The following NCOR2 variants were observed in gnomAD, a reference collection of about 807,000 sequenced individuals.
NCOR2 encodes nuclear receptor corepressor 2, also known as CTG repeat protein 26.
Under a neutral mutation model 262.9 loss-of-function variants are expected in NCOR2, and 81 were observed. The observed-to-expected ratio is 0.31, with a 90% CI of 0.26 to 0.37. The LOEUF is 0.37. Ranked by LOEUF, NCOR2 falls within the 10% of genes least tolerant of loss-of-function variation. The pLI, the probability that NCOR2 is intolerant of heterozygous loss-of-function variation, is 1.00. For missense variants in NCOR2, 3,385 were observed against 3,621.4 expected, an observed-to-expected ratio of 0.93 and a Z score of 1.68; for synonymous variants, 1,659 against 1,559.3, an observed-to-expected ratio of 1.06 and a Z score of -1.51.
chr12:124,346,931 C>G, intron 30 of NCOR2, 81 bp from the exon 33 acceptor site: 4 of 1,378,796 alleles, frequency 2.9e-6, no homozygotes, highest in African/African-American at 1.5e-5. Context: ...GGTTCTGGAG[C>G]TAGTCTGCCT....
chr12:124,447,247 T>C (rs2045236260), intron 7 of NCOR2, among the ~76,000 whole-genome samples: 1 of 152,236 alleles, frequency 6.6e-6, no homozygotes, highest in Admixed American at 6.5e-5. Context: ...ACATGTTTGT[T>C]TGTGATTTAG....
chr12:124,409,979 G>A (rs1314267863), intron 13 of NCOR2, among the ~76,000 whole-genome samples: 3 of 151,680 alleles, frequency 2.0e-5, no homozygotes, highest in African/African-American at 7.3e-5. Flanking sequence ...GCACCGGGGT[G>A]ACCTTGTTTG....
chr12:124,426,095 G>C (rs962196718), intron 11 of NCOR2, among the ~76,000 whole-genome samples: 16 of 152,182 alleles, frequency 1.1e-4, no homozygotes, highest in African/African-American at 3.6e-4. Flanking sequence ...CTTCCGACTC[G>C]CAGTGCCCCG....
intron 5 of NCOR2, among the ~76,000 whole-genome samples, chr12:124,459,786 C>T (rs889627342): frequency 3.3e-5 from 5 of 152,182 alleles, no homozygotes; most frequent in East Asian, 1.9e-4. Flanking sequence ...CTCACCTCCT[C>T]GGCTGCTGTC....
chr12:124,325,374 A>ACCGCCCC (rs1555297201), exon 47 of NCOR2: 4 of 316,298 alleles, frequency 1.3e-5, no homozygotes, highest in South Asian at 1.0e-4. Flanking sequence ...GGGACCTGAC[A>ACCGCCCC]CCGCCCCCCC....
intron 12 of NCOR2, among the ~76,000 whole-genome samples, chr12:124,420,299 C>T (rs529066163): frequency 6.6e-6 from 1 of 152,316 alleles, no homozygotes; most frequent in African/African-American, 2.4e-5. Flanking sequence ...GTACTTGGGA[C>T]GAGGCCTGGC....
At chr12:124,450,212 C>T (rs542720301) in intron 6 of NCOR2, among the ~76,000 whole-genome samples, 15 of 152,380 alleles carry the variant, frequency 9.8e-5, no homozygotes, top group Admixed American at 7.8e-4. Flanking sequence ...GGCCACCAAA[C>T]GTGGAAAGCC....
chr12:124,325,392 C>CCCCCCCCGGG, exon 47 of NCOR2: 1 of 1,152,270 alleles, frequency 8.7e-7, no homozygotes, highest in Non-Finnish European at 1.1e-6. Context: ...CCCCCCCGCC[C>CCCCCCCCGGG]TGTTCTGAGT....
At chr12:124,374,000 C>T (rs1054916681) in intron 19 of NCOR2, among the ~76,000 whole-genome samples, 2 of 152,292 alleles carry the variant, frequency 1.3e-5, no homozygotes, top group East Asian at 1.9e-4. Context: ...GATGAAAGCA[C>T]GCACCCAAGG....
At chr12:124,402,366 A>G (rs1195421029) in intron 14 of NCOR2, 38 bp downstream of exon 16, 1 of 1,610,232 alleles carries the variant, frequency 6.2e-7, no homozygotes. Context: ...GGGTTGGGTC[A>G]GCGGCCGGGC....
chr12:124,462,205 C>T (rs984164737), intron 5 of NCOR2, among the ~76,000 whole-genome samples: 2 of 152,206 alleles, frequency 1.3e-5, no homozygotes, highest in Admixed American at 6.5e-5. Flanking sequence ...CATCCACATG[C>T]GGCTCTCCTC....
rs747952180 is a variant in NCOR2, at chr12:124,378,280, C to T, written c.2124G>A (p.Ser708=). The change falls in exon 18 of 47, where the codon TCG becomes TCA. Residue 708 remains serine, a synonymous_variant. Coordinates refer to ENST00000405201, the Ensembl canonical transcript of NCOR2. This position sits in a 1 kb window ranked among gnomAD's most constrained non-coding sequence, Gnocchi z 4.2. The stretch of plus-strand genomic sequence containing the variant: ...TCTCCTCCTCATTTCCGCTCACGCC[C>T]GACGCCTCCATCTCCTCATCCTCCA... The T allele has an allele frequency of 1.2e-5, 20 of 1,613,896 alleles. No homozygotes were observed. Among genetic ancestry groups the T allele is most frequent in the South Asian group, 1.2e-4 (11 of 91,088 alleles).
intron 4 of NCOR2, among the ~76,000 whole-genome samples, chr12:124,466,647 A>G (rs2046432104): frequency 6.6e-6 from 1 of 152,060 alleles, no homozygotes; most frequent in Admixed American, 6.5e-5. Context: ...TGAGTTACAC[A>G]GGCAGGCACA....
At chr12:124,335,833 A>G (rs1435494159) in intron 38 of NCOR2, 3 of 592,834 alleles carry the variant, frequency 5.1e-6, no homozygotes, top group Non-Finnish European at 8.9e-6. Context: ...AGGTGGAGAG[A>G]GATGCAGAGC....
chr12:124,544,340 C>A (rs1024752119), intron 1 of NCOR2, among the ~76,000 whole-genome samples: 1 of 152,194 alleles, frequency 6.6e-6, no homozygotes, highest in Non-Finnish European at 1.5e-5. Flanking sequence ...GGCCTGGGGA[C>A]CCCTGAATCT....
At chr12:124,356,539 A>T (rs2037969426) in intron 23 of NCOR2, 103 bp downstream of exon 25, 1 of 1,064,796 alleles carries the variant, frequency 9.4e-7, no homozygotes, top group Non-Finnish European at 1.2e-6. Context: ...AGGTCCCATA[A>T]GGCTTTAAGA....
intron 4 of NCOR2, among the ~76,000 whole-genome samples, chr12:124,467,314 A>C (rs1593675416): frequency 9.7e-5 from 2 of 20,618 alleles, no homozygotes; most frequent in African/African-American, 2.1e-4. Context: ...CATCCTCATC[A>C]CCCCCATCAT....
chr12:124,547,024 C>T (rs2051566045), intron 1 of NCOR2, among the ~76,000 whole-genome samples: 1 of 152,134 alleles, frequency 6.6e-6, no homozygotes, highest in Admixed American at 6.6e-5. Flanking sequence ...GAGTCTCGCT[C>T]TGTCGCCCAG....
chr12:124,419,886 G>A, intron 13 of NCOR2, 71 bp downstream of exon 15: 1 of 1,398,628 alleles, frequency 7.1e-7, no homozygotes, highest in Non-Finnish European at 1.0e-6. Flanking sequence ...GCGGGGTGCT[G>A]GCCACCAAGC....
Sources: allele counts gnomAD v4.1 joint callset (sites outside exome capture counted in the v4.1 genomes callset), GRCh38; gene constraint gnomAD v4.1.1; non-coding constraint Gnocchi (gnomAD v3.1); transcripts MANE v1.5; gene names NCBI Gene and HGNC (gene_info 2026-07-23, HGNC 2026-07-21).